Variants in ZNF420 observed in about 807,000 individuals in gnomAD.
ZNF420 encodes zinc finger protein 420.
In ZNF420, 31 loss-of-function variants were observed where a neutral mutation model predicts 44.7. The observed-to-expected ratio is 0.69, with a 90% CI of 0.52 to 0.94. The LOEUF (loss-of-function observed/expected upper bound fraction) is 0.94, where lower values mean the gene tolerates loss of function less well. Ranked by LOEUF, ZNF420 falls within the 40% of genes least tolerant of loss-of-function variation. ZNF420 has a pLI of 0.00. For synonymous variants in ZNF420, 245 were observed against 267.4 expected (o/e 0.92, Z 0.82); for missense variants, 681 against 827.9 (o/e 0.82, Z 2.18).
At chr19:37,049,165 T>C (rs1030334878) in intron 1 of ZNF420, among the ~76,000 whole-genome samples, 3 of 152,136 alleles carry the variant, frequency 2.0e-5, no homozygotes, top group Non-Finnish European at 4.4e-5. Context: ...TGAATAGTGC[T>C]GCAATAAACA....
At chr19:37,071,867 T>TA (rs1349471370) in intron 1 of ZNF420, among the ~76,000 whole-genome samples, 1 of 152,156 alleles carries the variant, frequency 6.6e-6, no homozygotes, top group African/African-American at 2.4e-5. Flanking sequence ...TATTGAGAAT[T>TA]AAAAAAATAC....
intron 4 of ZNF420, among the ~76,000 whole-genome samples, chr19:37,114,169 A>G (rs1568468111): frequency 6.6e-6 from 1 of 152,116 alleles, no homozygotes; most frequent in South Asian, 2.1e-4. Context: ...TGCCTTATCA[A>G]TAATTTTATG....
At chr19:37,013,911 A>G (rs1198224858) in intron 1 of ZNF420, among the ~76,000 whole-genome samples, 1 of 152,228 alleles carries the variant, frequency 6.6e-6, no homozygotes, top group East Asian at 1.9e-4. Context: ...GAGCAGATGT[A>G]GTGAGCGTGT....
Position 37,128,215 on chromosome 19 carries a change from A to G in ZNF420, c.1224A>G (p.Gln408=), listed in dbSNP as rs565077885. The change falls in exon 5 of 5, where the codon CAA becomes CAG. Residue 408 remains glutamine (Q), a synonymous_variant. Coordinates refer to ENST00000337995, the MANE Select transcript of ZNF420 (RefSeq NM_144689.5). ...TTAGTCATGGCTCACAACTTACTCA[A>G]CATCAGAGAATACACACTGGTGAGA... The part of the protein sequence containing the change: ...KMFSHGSQLT[Q]HQRIHTGEKP... 1.2e-6 allele frequency: 2 copies of G among 1,614,034 alleles called. No homozygotes were observed. Among genetic ancestry groups the G allele is most frequent in the African/African-American group, 2.7e-5 (2 of 75,016 alleles).
At chr19:37,023,541 T>G (rs1016202269) in intron 1 of ZNF420, among the ~76,000 whole-genome samples, 1 of 152,052 alleles carries the variant, frequency 6.6e-6, no homozygotes, top group African/African-American at 2.4e-5. Context: ...AATATTTGTA[T>G]TTTTAGTAGG....
At chr19:37,060,643 C>T (rs1373970945) in intron 1 of ZNF420, among the ~76,000 whole-genome samples, 1 of 151,990 alleles carries the variant, frequency 6.6e-6, no homozygotes, top group Non-Finnish European at 1.5e-5. Flanking sequence ...GATCCTGGAG[C>T]TCTTGGCTCC....
chr19:37,010,027 A>T (rs2074556503), intron 1 of ZNF420, among the ~76,000 whole-genome samples: 1 of 152,188 alleles, frequency 6.6e-6, no homozygotes, highest in Admixed American at 6.5e-5. Context: ...AGGGGGCCTC[A>T]GCCTGAGTTC....
intron 4 of ZNF420, among the ~76,000 whole-genome samples, chr19:37,125,493 A>C (rs1971297299): frequency 6.6e-6 from 1 of 152,182 alleles, no homozygotes; most frequent in Admixed American, 6.5e-5. Context: ...CTAGGCATGT[A>C]CCACTAGGGT....
chr19:37,118,494 T>A (rs12972633), intron 4 of ZNF420, among the ~76,000 whole-genome samples: 2,849 of 151,958 alleles, frequency 0.019, 73 homozygotes, highest in East Asian at 0.048. Flanking sequence ...AGGAACAACC[T>A]GTACCAGCCA....
At chr19:37,105,499 TA>T (rs1028796308) in intron 4 of ZNF420, among the ~76,000 whole-genome samples, 2 of 150 alleles carry the variant, frequency 0.013, no homozygotes, top group African/African-American at 0.02. Context: ...TTTGGTTCCA[TA>T]TTGAACTTTA....
intron 1 of ZNF420, among the ~76,000 whole-genome samples, chr19:37,042,759 A>G (rs1967478520): frequency 6.6e-6 from 1 of 152,100 alleles, no homozygotes; most frequent in Non-Finnish European, 1.5e-5. Flanking sequence ...TGCACTTACA[A>G]CTTGGCTAAC....
At chr19:37,073,065 C>T (rs1968085054) in intron 1 of ZNF420, among the ~76,000 whole-genome samples, 1 of 152,028 alleles carries the variant, frequency 6.6e-6, no homozygotes, top group South Asian at 2.1e-4. Flanking sequence ...TTTCCTAGGG[C>T]TGGCCAGGGT....
At chr19:37,012,588 G>T (rs2074578267) in intron 1 of ZNF420, among the ~76,000 whole-genome samples, 1 of 152,200 alleles carries the variant, frequency 6.6e-6, no homozygotes, top group South Asian at 2.1e-4. Flanking sequence ...CAGGCCTGCC[G>T]GGACGGCGTT....
At chr19:37,089,281 C>G (rs986268712) in intron 3 of ZNF420, among the ~76,000 whole-genome samples, 154 bp downstream of exon 3, 1 of 152,128 alleles carries the variant, frequency 6.6e-6, no homozygotes, top group Non-Finnish European at 1.5e-5. Flanking sequence ...AGTGTCTTCC[C>G]TAAGTGTGTC....
At chr19:37,038,327 T>C (rs1024406135) in intron 1 of ZNF420, among the ~76,000 whole-genome samples, 1 of 152,228 alleles carries the variant, frequency 6.6e-6, no homozygotes, top group African/African-American at 2.4e-5. Flanking sequence ...TACTGACTTA[T>C]TGGGGTGGTG....
intron 2 of ZNF420, among the ~76,000 whole-genome samples, chr19:37,083,233 C>A (rs1424969918): frequency 1.3e-5 from 2 of 151,394 alleles, no homozygotes; most frequent in African/African-American, 4.9e-5. Context: ...TGAAGTAGGG[C>A]ATAGTATCTG....
intron 1 of ZNF420, among the ~76,000 whole-genome samples, chr19:37,020,633 T>C (rs2074641592): frequency 6.6e-6 from 1 of 152,188 alleles, no homozygotes; most frequent in Non-Finnish European, 1.5e-5. Flanking sequence ...ATAGCTAAAG[T>C]AGAGGCACCC....
intron 2 of ZNF420, among the ~76,000 whole-genome samples, chr19:37,085,942 A>ATTT (rs1968743320): frequency 1.7e-5 from 1 of 59,344 alleles, no homozygotes; most frequent in Non-Finnish European, 4.3e-5. Flanking sequence ...ATGTTTTATT[A>ATTT]TTATTATTAT....
In ZNF420 at chr19:37,103,808, A is replaced by G. The variant is rs1969910366; in HGVS notation, c.136+12687A>G. ...ATCTTTTACAATAATTTTCATCAGCATACAAACATGCCTTAATTTCTTCTA... is the reference window on the plus strand; with the variant it reads ...ATCTTTTACAATAATTTTCATCAGCGTACAAACATGCCTTAATTTCTTCTA... On this transcript the variant is annotated intron_variant, in intron 4 of 4. Coordinates refer to ENST00000337995, the MANE Select transcript of ZNF420 (RefSeq NM_144689.5). Among the ~76,000 whole-genome samples the G allele has an allele frequency of 3.3e-5, 5 of 152,154 alleles. No individual in the cohort carries two copies. The South Asian group carries it at 1.0e-3, about 32-fold the overall frequency.
Sources: allele counts gnomAD v4.1 joint callset (sites outside exome capture counted in the v4.1 genomes callset), GRCh38; gene constraint gnomAD v4.1.1; transcripts MANE v1.5; gene names NCBI Gene and HGNC (gene_info 2026-07-23, HGNC 2026-07-21).